SPTAN1: variants seen among roughly 807,000 people sequenced by gnomAD.
The protein encoded by SPTAN1 is spectrin alpha, non-erythrocytic 1.
A neutral mutation model predicts 331.3 loss-of-function variants in SPTAN1; 61 were observed. The observed-to-expected ratio is 0.18, with a 90% CI of 0.15 to 0.23. SPTAN1 has a LOEUF of 0.23. Among genes scored for constraint, SPTAN1 ranks in the 10% least tolerant of loss-of-function variants. The pLI is 1.00. For synonymous variants in SPTAN1, 1,153 were observed against 1,173.9 expected (o/e 0.98, Z 0.36); for missense variants, 2,043 against 3,147.9 (o/e 0.65, Z 8.40).
At chr9:128,609,983 C>T (rs73623531) in intron 37 of SPTAN1, among the ~76,000 whole-genome samples, 126 of 152,276 alleles carry the variant, frequency 8.3e-4, no homozygotes, top group African/African-American at 2.7e-3. Flanking sequence ...GAAGATGGAA[C>T]ATCAGCTTCA....
At chr9:128,588,731 C>A in intron 20 of SPTAN1, 78 bp from the exon 21 acceptor site, 1 of 1,587,960 alleles carries the variant, frequency 6.3e-7, no homozygotes, top group Non-Finnish European at 8.6e-7. Context: ...CAGCTGGTGG[C>A]ATTTGAATCT....
At chr9:128,584,985 C>A in intron 18 of SPTAN1, 142 bp downstream of exon 18, 1 of 935,810 alleles carries the variant, frequency 1.1e-6, no homozygotes. Flanking sequence ...TATGACCTGA[C>A]CAGACCTTAC....
At chr9:128,624,988 G>C (rs1858515501) in intron 46 of SPTAN1, 115 bp from the exon 47 acceptor site, 1 of 1,002,824 alleles carries the variant, frequency 1.0e-6, no homozygotes, top group African/African-American at 1.6e-5. Flanking sequence ...GCTGTAGTTA[G>C]GAAGATTGGG....
chr9:128,568,040 G>A (rs1264604906), intron 2 of SPTAN1, among the ~76,000 whole-genome samples: 1 of 152,226 alleles, frequency 6.6e-6, no homozygotes, highest in Non-Finnish European at 1.5e-5. Flanking sequence ...GGGATTACAG[G>A]CGTGAGCCAA....
intron 1 of SPTAN1, among the ~76,000 whole-genome samples, chr9:128,561,298 GGAGGC>G (rs1849309116): frequency 6.7e-6 from 1 of 150,030 alleles, no homozygotes. Flanking sequence ...GCTTGACCCT[GGAGGC>G]GGAGGTTGCA....
chr9:128,559,922 A>G (rs1267164241), intron 1 of SPTAN1, among the ~76,000 whole-genome samples: 1 of 151,490 alleles, frequency 6.6e-6, no homozygotes, highest in Non-Finnish European at 1.5e-5. Context: ...GTTAGTAGAG[A>G]TGGGGTTTCA....
At position 128,633,482 on chromosome 9, in the gene SPTAN1, C is replaced by A. The variant is rs113912557; in HGVS notation, c.*148C>A. 32 of 1,345,146 alleles carry A rather than the reference C, an allele frequency of 2.4e-5. No homozygotes were observed. Among genetic ancestry groups the A allele is most frequent in the Non-Finnish European group, 2.8e-5 (27 of 957,810 alleles). 83.3% of individuals were successfully genotyped at this position (1,345,146 alleles called of 1,614,324 possible). A position where few individuals can be genotyped will look rare whatever the true frequency, so the allele number is the denominator to read the frequency against. On this transcript the variant is annotated 3_prime_UTR_variant, in exon 57 of 57. Coordinates refer to ENST00000372739, the MANE Select transcript of SPTAN1 (RefSeq NM_001130438.3). ...AGGAGAAAATGGTGCTTCACTAACC[C>A]GCTTCCGGTCCAGTCACAATCATCA...
In SPTAN1 at chr9:128,579,723, T is replaced by G. The variant is rs1048796195; in HGVS notation, c.1308T>G (p.Asp436Glu). 6.2e-7 allele frequency: 1 copy of G among 1,613,970 alleles called. No homozygotes were observed. Among genetic ancestry groups the G allele is most frequent in the Non-Finnish European group, 8.5e-7 (1 of 1,179,914 alleles). ...ALLAAGHYAS[D>E]EVREKLTVLS... Reference sequence around the variant, plus strand: ...TTGCTGCTGGTCACTATGCCTCAGATGAAGTGAGGGAGAAGGTAAGAGAAG... The same window carrying G: ...TTGCTGCTGGTCACTATGCCTCAGAGGAAGTGAGGGAGAAGGTAAGAGAAG... The change falls in exon 10 of 57, where the codon GAT becomes GAG. Residue 436 changes from aspartate to glutamate, a missense_variant. This residue lies in a region of SPTAN1 where 1,038 missense variants were observed against 1,531.5 expected (regional missense o/e 0.68). Coordinates refer to ENST00000372739, the MANE Select transcript of SPTAN1 (RefSeq NM_001130438.3).
chr9:128,606,263 C>A (rs946365565), intron 31 of SPTAN1, among the ~76,000 whole-genome samples: 1 of 139,746 alleles, frequency 7.2e-6, no homozygotes, highest in Non-Finnish European at 1.5e-5. Context: ...GTAATTCCAG[C>A]TACTCGGGAG....
At chr9:128,620,528 C>G (rs1218370508) in intron 44 of SPTAN1, among the ~76,000 whole-genome samples, 1 of 152,114 alleles carries the variant, frequency 6.6e-6, no homozygotes, top group Non-Finnish European at 1.5e-5. Flanking sequence ...ACCAACCTGG[C>G]CAACATGGTG....
chr9:128,564,906 A>G (rs1310955273), intron 1 of SPTAN1, among the ~76,000 whole-genome samples: 1 of 152,232 alleles, frequency 6.6e-6, no homozygotes, highest in Admixed American at 6.5e-5. Context: ...GAATACTTCT[A>G]TCCGCCACAA....
chr9:128,581,386 T>C (rs929431787), intron 11 of SPTAN1, among the ~76,000 whole-genome samples: 1 of 149,588 alleles, frequency 6.7e-6, no homozygotes, highest in South Asian at 2.1e-4. Context: ...GATGGGAGTA[T>C]CCCTTGAGCC....
chr9:128,580,361 T>C (rs1339802829), intron 10 of SPTAN1, among the ~76,000 whole-genome samples: 1 of 151,268 alleles, frequency 6.6e-6, no homozygotes, highest in Admixed American at 6.6e-5. Context: ...TGTATATATA[T>C]ACACATATGT....
chr9:128,570,177 C>G (rs1422199110), intron 3 of SPTAN1, among the ~76,000 whole-genome samples: 1 of 151,638 alleles, frequency 6.6e-6, no homozygotes, highest in Non-Finnish European at 1.5e-5. Context: ...AATATGTAAC[C>G]AGCTTACAGA....
At chr9:128,591,973 TTCTC>T (rs1853600330) in intron 22 of SPTAN1, among the ~76,000 whole-genome samples, 1 of 152,220 alleles carries the variant, frequency 6.6e-6, no homozygotes, top group South Asian at 2.1e-4. Context: ...CTTTCAGAGC[TTCTC>T]TGTCTGCCAT....
At chr9:128,594,868 GC>G (rs1564252287) in intron 24 of SPTAN1, among the ~76,000 whole-genome samples, 2 of 117,520 alleles carry the variant, frequency 1.7e-5, no homozygotes, top group African/African-American at 6.8e-5. Context: ...CTCTTTTGTC[GC>G]CCAGGCTGGA....
chr9:128,560,286 G>A (rs1034464668), intron 1 of SPTAN1, among the ~76,000 whole-genome samples: 3 of 151,382 alleles, frequency 2.0e-5, no homozygotes, highest in Non-Finnish European at 2.9e-5. Context: ...GTTCCACCGT[G>A]TTGCCCAGGC....
intron 3 of SPTAN1, among the ~76,000 whole-genome samples, chr9:128,573,801 T>C (rs1850996239): frequency 1.3e-5 from 2 of 151,840 alleles, no homozygotes; most frequent in African/African-American, 4.8e-5. Flanking sequence ...TCGCCCAGAC[T>C]GAAGCACAGT....
At chr9:128,603,070 C>T (rs1164488295) in intron 27 of SPTAN1, among the ~76,000 whole-genome samples, 1 of 152,152 alleles carries the variant, frequency 6.6e-6, no homozygotes, top group Non-Finnish European at 1.5e-5. Context: ...CGTTGCCCTT[C>T]AACGGGGATA....
Sources: allele counts gnomAD v4.1 joint callset (sites outside exome capture counted in the v4.1 genomes callset), GRCh38; gene constraint gnomAD v4.1.1; regional missense constraint gnomAD v4.1.1; transcripts MANE v1.5; gene names NCBI Gene and HGNC (gene_info 2026-07-23, HGNC 2026-07-21).